CAST: variants seen among roughly 807,000 people sequenced by gnomAD.
The protein encoded by CAST is calpastatin, also known as MIR583 host.
A neutral mutation model predicts 119.6 loss-of-function variants in CAST; 76 were observed. The ratio of observed to expected loss-of-function variants is 0.64; its 90% confidence interval spans 0.53 to 0.77. The LOEUF is 0.77. Ranked by LOEUF, CAST falls within the 30% of genes least tolerant of loss-of-function variation. The pLI is 0.00. For missense variants in CAST, 953 were observed against 946.5 expected (o/e 1.01, Z -0.09); for synonymous variants, 319 against 331.6 (o/e 0.96, Z 0.41).
chr5:96,329,100 C>A, the CAST span, among the ~76,000 whole-genome samples: 1 of 152,144 alleles, frequency 6.6e-6, no homozygotes, highest in African/African-American at 2.4e-5. Context: ...TACTATCTAT[C>A]ATCTTCTATT....
the CAST span, among the ~76,000 whole-genome samples, chr5:96,304,256 T>C: frequency 6.6e-6 from 1 of 152,212 alleles, no homozygotes; most frequent in African/African-American, 2.4e-5. Context: ...TCTTTTGAGA[T>C]GTGTCTGTTC....
intron 1 of CAST, among the ~76,000 whole-genome samples, chr5:96,571,619 A>G (rs997481557): frequency 6.6e-6 from 1 of 152,180 alleles, no homozygotes; most frequent in Non-Finnish European, 1.5e-5. Flanking sequence ...CATTCCAGGA[A>G]GCAAAGGGGA....
chr5:96,290,725 A>G, the CAST span, among the ~76,000 whole-genome samples: 1 of 152,232 alleles, frequency 6.6e-6, no homozygotes, highest in Non-Finnish European at 1.5e-5. Context: ...ACATTTAATT[A>G]GAATGTTTCC....
the CAST span, among the ~76,000 whole-genome samples, chr5:96,506,318 T>TGTTTTA: frequency 0.11 from 16,872 of 152,270 alleles, 1,203 homozygotes; most frequent in Non-Finnish European, 0.16. Context: ...CACCTACTAA[T>TGTTTTA]GTTTTAAAGA....
chr5:96,740,964 A>G (rs576592397), intron 13 of CAST, 181 bp downstream of exon 13: 1 of 606,220 alleles, frequency 1.6e-6, no homozygotes, highest in South Asian at 2.1e-5. Flanking sequence ...CCTGAGTCTC[A>G]TAAGTAGGTT....
chr5:96,589,681 C>T (rs1168097119), intron 1 of CAST, among the ~76,000 whole-genome samples: 1 of 152,126 alleles, frequency 6.6e-6, no homozygotes, highest in Non-Finnish European at 1.5e-5. Flanking sequence ...TGAGTGATTC[C>T]TTTAATAGCA....
the CAST span, among the ~76,000 whole-genome samples, chr5:96,423,908 A>T: frequency 6.6e-6 from 1 of 152,052 alleles, no homozygotes; most frequent in East Asian, 1.9e-4. Context: ...TAGAATTTTT[A>T]TTCTAAAGGA....
chr5:96,017,729 A>G, the CAST span, among the ~76,000 whole-genome samples: 1 of 152,232 alleles, frequency 6.6e-6, no homozygotes, highest in African/African-American at 2.4e-5. Context: ...CTTAGCATTT[A>G]TATCAGTTAT....
chr5:96,092,321 A>G, the CAST span, among the ~76,000 whole-genome samples: 1 of 152,248 alleles, frequency 6.6e-6, no homozygotes, highest in Non-Finnish European at 1.5e-5. Context: ...AAAAATTCTC[A>G]GGAATTTATG....
the CAST span, among the ~76,000 whole-genome samples, chr5:96,180,207 T>C: frequency 1.8e-4 from 28 of 152,198 alleles, no homozygotes; most frequent in Non-Finnish European, 3.5e-4. Flanking sequence ...GATTATACCA[T>C]GTGTGATAAT....
At chr5:96,062,557 G>A in the CAST span, among the ~76,000 whole-genome samples, 1 of 152,144 alleles carries the variant, frequency 6.6e-6, no homozygotes, top group Non-Finnish European at 1.5e-5. Context: ...CTTTTATCAA[G>A]GGCCAGCTTA....
the CAST span, among the ~76,000 whole-genome samples, chr5:96,158,260 A>G: frequency 6.6e-6 from 1 of 152,228 alleles, no homozygotes; most frequent in Non-Finnish European, 1.5e-5. Context: ...ATTTGTAAGC[A>G]CAGACTAATC....
At chr5:96,425,858 G>T in the CAST span, 1 of 1,610,608 alleles carries the variant, frequency 6.2e-7, no homozygotes, top group Non-Finnish European at 8.5e-7. Flanking sequence ...TCATTGAAGA[G>T]ATTTAGTGCT....
chr5:96,034,171 A>G, the CAST span, among the ~76,000 whole-genome samples: 118 of 152,194 alleles, frequency 7.8e-4, no homozygotes, highest in Non-Finnish European at 1.4e-3. Context: ...TCAAAACAAG[A>G]CATACAAATG....
At chr5:96,763,374 G>T in intron 25 of CAST, 1 of 706,162 alleles carries the variant, frequency 1.4e-6, no homozygotes, top group Non-Finnish European at 2.6e-6. Context: ...GCATGTGCAT[G>T]TGTGTATGTA....
chr5:96,626,507 A>G (rs1747726441), intron 1 of CAST, among the ~76,000 whole-genome samples: 1 of 152,072 alleles, frequency 6.6e-6, no homozygotes, highest in South Asian at 2.1e-4. Flanking sequence ...CTTCAAATGC[A>G]TGGATGCGCT....
At chr5:95,989,108 A>G in the CAST span, among the ~76,000 whole-genome samples, 1 of 152,190 alleles carries the variant, frequency 6.6e-6, no homozygotes, top group South Asian at 2.1e-4. Flanking sequence ...AAGTCTAAAA[A>G]GCAAGGGATT....
the CAST span, among the ~76,000 whole-genome samples, chr5:96,279,636 C>CA: frequency 6.6e-6 from 1 of 152,174 alleles, no homozygotes; most frequent in African/African-American, 2.4e-5. Context: ...GAAGGCTTTA[C>CA]AGTGTCACTA....
the CAST span, among the ~76,000 whole-genome samples, chr5:96,394,495 G>A: frequency 4.6e-5 from 7 of 152,086 alleles, no homozygotes; most frequent in Admixed American, 3.9e-4. Context: ...TAGGTTATAG[G>A]GATTATAGGT....
Sources: gnomAD v4.1 joint callset for allele counts (sites outside exome capture counted in the v4.1 genomes callset) on GRCh38, gnomAD v4.1.1 for gene constraint, MANE v1.5 for transcripts, NCBI Gene and HGNC (gene_info 2026-07-23, HGNC 2026-07-21) for gene names.